The following ZNF385D variants were observed in gnomAD, a reference collection of about 807,000 sequenced individuals.
ZNF385D encodes zinc finger protein 659.
A neutral mutation model predicts 35.8 loss-of-function variants in ZNF385D; 15 were observed. That is an observed-to-expected ratio of 0.42 (90% CI 0.28 to 0.64). The LOEUF (loss-of-function observed/expected upper bound fraction) is 0.64. Among genes scored for constraint, ZNF385D ranks in the 30% least tolerant of loss-of-function variants. The probability of loss-of-function intolerance (pLI) is 0.23; values close to 1 mark genes in which losing one functional copy is unlikely to be tolerated. For synonymous variants in ZNF385D, 212 were observed against 186.8 expected (o/e 1.13, Z -1.10); for missense variants, 474 against 494.6 (o/e 0.96, Z 0.39).
At chr3:21,811,378 G>C (rs938154729) in intron 3 of ZNF385D, among the ~76,000 whole-genome samples, 5 of 152,096 alleles carry the variant, frequency 3.3e-5, no homozygotes, top group Non-Finnish European at 7.4e-5. Context: ...AATATAGGAA[G>C]CAAGAAGTTT....
intron 1 of ZNF385D, among the ~76,000 whole-genome samples, chr3:21,719,695 C>G (rs867314665): frequency 3.3e-5 from 5 of 152,346 alleles, no homozygotes; most frequent in Middle Eastern, 3.4e-3. Flanking sequence ...GTAAGACTCT[C>G]TAGCGCCAGT....
chr3:21,662,718 C>G (rs1458244668), intron 2 of ZNF385D, among the ~76,000 whole-genome samples: 1 of 152,132 alleles, frequency 6.6e-6, no homozygotes, highest in Non-Finnish European at 1.5e-5. Context: ...GTTGGAGCAA[C>G]AGAGGGCCTC....
intron 2 of ZNF385D, among the ~76,000 whole-genome samples, chr3:22,318,204 G>T (rs1704007003): frequency 6.6e-6 from 1 of 152,140 alleles, no homozygotes; most frequent in African/African-American, 2.4e-5. Flanking sequence ...AACTGATGTA[G>T]CTAGGGGCAA....
At chr3:22,067,737 T>C (rs1700026787) in intron 3 of ZNF385D, among the ~76,000 whole-genome samples, 1 of 152,152 alleles carries the variant, frequency 6.6e-6, no homozygotes, top group Non-Finnish European at 1.5e-5. Flanking sequence ...AATACAAAAA[T>C]ATCTGGCTGG....
chr3:21,751,421 G>T, upstream of ZNF385D: 1 of 1,006,878 alleles, frequency 9.9e-7, no homozygotes, highest in Non-Finnish European at 1.2e-6. Context: ...ACACACAGGA[G>T]AAATTCACCA....
At chr3:22,188,986 C>A (rs763096018) in intron 2 of ZNF385D, among the ~76,000 whole-genome samples, 1 of 152,108 alleles carries the variant, frequency 6.6e-6, no homozygotes, top group Non-Finnish European at 1.5e-5. Context: ...TGATTTAGAG[C>A]AAGTTCTCTT....
At chr3:21,949,444 T>A (rs921595583) in intron 3 of ZNF385D, among the ~76,000 whole-genome samples, 1 of 152,062 alleles carries the variant, frequency 6.6e-6, no homozygotes, top group African/African-American at 2.4e-5. Context: ...GTAGGTGTAT[T>A]TGAATGCTAT....
At chr3:22,298,574 C>T (rs1226935194) in intron 2 of ZNF385D, among the ~76,000 whole-genome samples, 1 of 144,092 alleles carries the variant, frequency 6.9e-6, no homozygotes, top group Non-Finnish European at 1.5e-5. Flanking sequence ...CACACACACA[C>T]ATATATGTAT....
chr3:21,699,823 C>CTTTTTTTTTTT (rs1006362754), intron 1 of ZNF385D, among the ~76,000 whole-genome samples: 1 of 88,876 alleles, frequency 1.1e-5, no homozygotes, highest in Non-Finnish European at 2.1e-5. Context: ...GTTTCTTTTC[C>CTTTTTTTTTTT]TTTTTTTTTT....
intron 3 of ZNF385D, among the ~76,000 whole-genome samples, chr3:22,150,696 C>T (rs775035708): frequency 1.1e-4 from 16 of 152,202 alleles, no homozygotes; most frequent in Admixed American, 6.5e-4. Context: ...GTCATCAACT[C>T]ATATATGTCT....
At chr3:21,970,252 C>T (rs2125338642) in intron 3 of ZNF385D, among the ~76,000 whole-genome samples, 1 of 152,210 alleles carries the variant, frequency 6.6e-6, no homozygotes, top group Non-Finnish European at 1.5e-5. Context: ...AACCCAGAGA[C>T]ACAGAGATAT....
rs993850749 is a variant in ZNF385D at position 21,971,300 on chromosome 3, A to C, written c.325+197517T>G. 1.4e-4 allele frequency among the ~76,000 whole-genome samples: 22 copies of C among 152,072 alleles called. 1 individual carries two copies. Among genetic ancestry groups the C allele is most frequent in the African/African-American group, 4.1e-4 (17 of 41,454 alleles). Reference sequence around the variant, plus strand: ...AGCATAATAAATAAATGGAAAAAACAAAAAGTTAGAAAACAGGATGATGAT... The same window carrying C: ...AGCATAATAAATAAATGGAAAAAACCAAAAGTTAGAAAACAGGATGATGAT... On this transcript the variant is annotated intron_variant, in intron 3 of 5. Transcript: ENST00000494108.
chr3:21,612,687 CAA>C (rs1184181868), intron 2 of ZNF385D, among the ~76,000 whole-genome samples: 5 of 152,178 alleles, frequency 3.3e-5, no homozygotes, highest in Admixed American at 6.5e-5. Flanking sequence ...ACTCAGAACT[CAA>C]AAGACATCTA....
intron 3 of ZNF385D, among the ~76,000 whole-genome samples, chr3:22,000,531 C>T (rs575443136): frequency 6.6e-6 from 1 of 151,962 alleles, no homozygotes; most frequent in African/African-American, 2.4e-5. Flanking sequence ...AACCAACAGC[C>T]CTTGGGGGTT....
At chr3:21,902,251 C>T (rs1194076870) in intron 3 of ZNF385D, among the ~76,000 whole-genome samples, 1 of 152,110 alleles carries the variant, frequency 6.6e-6, no homozygotes, top group Non-Finnish European at 1.5e-5. Flanking sequence ...CTCAAGGGCT[C>T]ATAAAGGCCT....
chr3:21,753,017 C>G (rs2070176418), upstream of ZNF385D, among the ~76,000 whole-genome samples: 1 of 152,070 alleles, frequency 6.6e-6, no homozygotes. Context: ...TTGGAAGATG[C>G]AAGCATTGAG....
chr3:22,333,389 T>C (rs1652910269), intron 2 of ZNF385D, among the ~76,000 whole-genome samples: 1 of 152,318 alleles, frequency 6.6e-6, no homozygotes, highest in East Asian at 1.9e-4. Context: ...TTTTCTTCTG[T>C]GATTTTATGA....
intron 2 of ZNF385D, among the ~76,000 whole-genome samples, chr3:22,225,541 G>T (rs1348602948): frequency 6.6e-6 from 1 of 152,112 alleles, no homozygotes; most frequent in Non-Finnish European, 1.5e-5. Context: ...ATGTGGGGAG[G>T]TAACACTGAA....
At chr3:22,043,639 G>A (rs979772716) in intron 3 of ZNF385D, among the ~76,000 whole-genome samples, 10 of 116,004 alleles carry the variant, frequency 8.6e-5, no homozygotes, top group Non-Finnish European at 1.3e-4. Flanking sequence ...GAGGAGAGAG[G>A]GTAGGTAACT....
Sources: gnomAD v4.1 joint callset for allele counts (sites outside exome capture counted in the v4.1 genomes callset) on GRCh38, gnomAD v4.1.1 for gene constraint, MANE v1.5 for transcripts, NCBI Gene and HGNC (gene_info 2026-07-23, HGNC 2026-07-21) for gene names.